Variants in KIZ observed in about 807,000 individuals in gnomAD.
KIZ encodes the protein kizuna centrosomal protein.
A neutral mutation model predicts 79.6 loss-of-function variants in KIZ; 68 were observed. The observed-to-expected ratio is 0.85, with a 90% CI of 0.70 to 1.05. The LOEUF (loss-of-function observed/expected upper bound fraction) is 1.05, where lower values mean the gene tolerates loss of function less well. KIZ is among the 50% of genes least tolerant of loss of function. KIZ has a pLI of 0.00. For missense variants in KIZ, 797 were observed against 800.4 expected, an observed-to-expected ratio of 1.00 and a Z score of 0.05; for synonymous variants, 280 against 281.8, an observed-to-expected ratio of 0.99 and a Z score of 0.06.
intron 2 of KIZ, among the ~76,000 whole-genome samples, chr20:21,136,126 T>C (rs1337463205): frequency 6.6e-6 from 1 of 152,212 alleles, no homozygotes; most frequent in African/African-American, 2.4e-5. Context: ...TAGAAATCTT[T>C]ACTGTGTGAA....
At chr20:21,241,753 A>G (rs915514424) in intron 11 of KIZ, among the ~76,000 whole-genome samples, 1 of 152,240 alleles carries the variant, frequency 6.6e-6, no homozygotes, top group African/African-American at 2.4e-5. Flanking sequence ...GGTGGGACTC[A>G]GCATTGCTGG....
rs116392214 is a variant in KIZ at position 21,213,160 on chromosome 20, C to T, written c.1447-1375C>T. ...TACTAGGGAGGGAAGAAGGCAAGAA[C>T]TCTGCAGGGAAGTCAGGACTAAAGG... On this transcript the variant is annotated intron_variant, in intron 7 of 12. Transcript: ENST00000619189. Among the ~76,000 whole-genome samples the T allele has an allele frequency of 3.8e-3, 572 of 152,310 alleles. 3 individuals carry two copies. Among genetic ancestry groups the T allele is most frequent in the African/African-American group, 0.013 (557 of 41,578 alleles).
rs143261527 is a variant in KIZ at position 21,191,027 on chromosome 20, G to A, written c.1353-14464G>A. On this transcript the variant is annotated intron_variant, in intron 6 of 12. Transcript: ENST00000619189. Reference sequence around the variant, plus strand: ...GGTCAGGAGCATGGCAGGAAGAGAGGGTATTAAACTACATTAAATGGATGA... The same window carrying A: ...GGTCAGGAGCATGGCAGGAAGAGAGAGTATTAAACTACATTAAATGGATGA... Among the ~76,000 whole-genome samples the A allele has an allele frequency of 1.6e-3, 248 of 152,178 alleles. 1 individual carries two copies. The highest frequency in any genetic ancestry group is 5.9e-3 in the African/African-American group (245 of 41,526).
At chr20:21,142,538 T>C (rs1464355993) in intron 3 of KIZ, among the ~76,000 whole-genome samples, 1 of 152,120 alleles carries the variant, frequency 6.6e-6, no homozygotes, top group Non-Finnish European at 1.5e-5. Context: ...GCATTTCTGT[T>C]TAATAGCAGA....
At chr20:21,237,175 G>A (rs1292369235) in intron 11 of KIZ, among the ~76,000 whole-genome samples, 5 of 150,316 alleles carry the variant, frequency 3.3e-5, no homozygotes, top group Admixed American at 2.7e-4. Flanking sequence ...GGTGGCAGGC[G>A]CCTATAATCC....
chr20:21,126,618 C>G (rs1289429230), intron 1 of KIZ, among the ~76,000 whole-genome samples: 1 of 152,146 alleles, frequency 6.6e-6, no homozygotes, highest in African/African-American at 2.4e-5. Flanking sequence ...TGCACTGCAT[C>G]AATGATGACA....
intron 11 of KIZ, among the ~76,000 whole-genome samples, chr20:21,235,166 TACAC>T (rs1259700376): frequency 6.6e-6 from 1 of 152,182 alleles, no homozygotes; most frequent in Non-Finnish European, 1.5e-5. Context: ...TACAGATTAA[TACAC>T]ACAAGCTATA....
At chr20:21,132,986 A>T (rs2031948282) in intron 2 of KIZ, 1 of 152,252 alleles carries the variant, frequency 6.6e-6, no homozygotes, top group Admixed American at 6.5e-5. Flanking sequence ...TTAAGAGCAG[A>T]TCTTAAATAT....
chr20:21,204,116 T>G (rs911618512), intron 6 of KIZ, among the ~76,000 whole-genome samples: 20 of 132,822 alleles, frequency 1.5e-4, no homozygotes, highest in Admixed American at 5.2e-4. Flanking sequence ...TTTTTTTTTT[T>G]TTTTTTTTTT....
At chr20:21,234,924 C>T (rs1400001225) in intron 11 of KIZ, among the ~76,000 whole-genome samples, 2 of 152,122 alleles carry the variant, frequency 1.3e-5, no homozygotes, top group Admixed American at 6.5e-5. Flanking sequence ...GTCTGCACCT[C>T]ATTATGTGTG....
chr20:21,133,001 A>G (rs1297268012), intron 2 of KIZ: 1 of 152,204 alleles, frequency 6.6e-6, no homozygotes, highest in Non-Finnish European at 1.5e-5. Flanking sequence ...AAATATTTTA[A>G]TTTCTATTTT....
intron 11 of KIZ, among the ~76,000 whole-genome samples, chr20:21,244,034 A>T (rs192370474): frequency 6.6e-6 from 1 of 152,306 alleles, no homozygotes; most frequent in East Asian, 1.9e-4. Context: ...GGACACACGC[A>T]GGACGGGAGC....
chr20:21,158,539 A>G (rs2033494853), intron 4 of KIZ: 1 of 152,212 alleles, frequency 6.6e-6, no homozygotes, highest in Non-Finnish European at 1.5e-5. Context: ...ATAGAATAGG[A>G]TAATATGCAG....
chr20:21,179,645 A>C (rs948523992), intron 6 of KIZ, among the ~76,000 whole-genome samples: 1 of 151,800 alleles, frequency 6.6e-6, no homozygotes, highest in African/African-American at 2.4e-5. Context: ...TTTCTACTTA[A>C]GGTGTGAAGT....
chr20:21,131,011 A>T (rs953004124), intron 1 of KIZ, among the ~76,000 whole-genome samples: 3 of 152,144 alleles, frequency 2.0e-5, no homozygotes, highest in Admixed American at 6.5e-5. Context: ...ATAGAATATT[A>T]TGTGGTTTCT....
rs911749903 is a variant in KIZ, at chr20:21,217,935, C to T, written c.1678+2287C>T. Among the ~76,000 whole-genome samples, 6 of 152,212 alleles carry T rather than the reference C, an allele frequency of 3.9e-5. No homozygotes were observed. The East Asian group carries it at 7.7e-4, about 20-fold the overall frequency. On this transcript the variant is annotated intron_variant, in intron 9 of 12. Coordinates refer to ENST00000619189, the MANE Select transcript of KIZ (RefSeq NM_018474.6). ...CATCACAGAAAGTGCCATTGTGAGA[C>T]GAGCCCCTGGAAGAGTGGACACTTT...
intron 6 of KIZ, among the ~76,000 whole-genome samples, chr20:21,180,826 T>A (rs2034629038): frequency 6.6e-6 from 1 of 152,166 alleles, no homozygotes; most frequent in African/African-American, 2.4e-5. Flanking sequence ...GATGTGAGTT[T>A]AGGAATCACC....
In KIZ at chr20:21,246,542, A is replaced by C. The variant is rs771561721; in HGVS notation, c.1988A>C (p.His663Pro). Residue 663 changes from histidine (H) to proline (P), a missense_variant, in exon 13 of 13, where the codon CAT becomes CCT. By Grantham distance (77) the His-to-Pro change is moderately conservative (BLOSUM62 -2). Transcript: ENST00000619189. ...GAGGCTGCTTTACGCCCCAGAAACC[A>C]TAACACCGATGATTCTGATGATTTT... is the stretch of plus-strand genomic sequence containing the variant. ...EIEAALRPRN[H>P]NTDDSDDFYD The C allele has an allele frequency of 6.2e-7, 1 of 1,610,514 alleles. No individual in the cohort carries two copies. The highest frequency in any genetic ancestry group is 8.5e-7 in the Non-Finnish European group (1 of 1,176,924).
intron 7 of KIZ, among the ~76,000 whole-genome samples, chr20:21,206,917 G>T (rs563483076): frequency 6.6e-6 from 1 of 152,132 alleles, no homozygotes; most frequent in Non-Finnish European, 1.5e-5. Flanking sequence ...GGGAGGAACC[G>T]GAAGCCCAAC....
Sources: allele counts gnomAD v4.1 joint callset (sites outside exome capture counted in the v4.1 genomes callset), GRCh38; gene constraint gnomAD v4.1.1; transcripts MANE v1.5; gene names NCBI Gene and HGNC (gene_info 2026-07-23, HGNC 2026-07-21).